IQGAP1: variants seen among roughly 807,000 people sequenced by gnomAD.
IQGAP1 encodes the protein ras GTPase-activating-like protein IQGAP1.
In IQGAP1, 66 loss-of-function variants were observed where a neutral mutation model predicts 215.6. The observed-to-expected ratio is 0.31, with a 90% CI of 0.25 to 0.38. The LOEUF (loss-of-function observed/expected upper bound fraction) is 0.38, where lower values mean the gene tolerates loss of function less well. Among genes scored for constraint, IQGAP1 ranks in the 10% least tolerant of loss-of-function variants. The probability of loss-of-function intolerance (pLI) is 1.00; values close to 1 mark genes in which losing one functional copy is unlikely to be tolerated. For synonymous variants in IQGAP1, 772 were observed against 728.7 expected, an observed-to-expected ratio of 1.06 and a Z score of -0.96; for missense variants, 1,712 against 1,997.1, an observed-to-expected ratio of 0.86 and a Z score of 2.72.
intron 23 of IQGAP1, 38 bp downstream of exon 23, chr15:90,474,731 A>C: frequency 1.3e-6 from 2 of 1,486,988 alleles, no homozygotes; most frequent in Non-Finnish European, 1.9e-6. Context: ...GGAACGGTTC[A>C]TCCTGCTTTG....
At chr15:90,465,267 A>G (rs114608467) in intron 15 of IQGAP1, among the ~76,000 whole-genome samples, 10 of 152,344 alleles carry the variant, frequency 6.6e-5, no homozygotes, top group African/African-American at 2.4e-4. Context: ...TCTTAAAAAC[A>G]TTAGTAGTCA....
intron 9 of IQGAP1, among the ~76,000 whole-genome samples, chr15:90,447,724 TG>T (rs1235956423): frequency 2.0e-5 from 3 of 152,194 alleles, no homozygotes; most frequent in Non-Finnish European, 4.4e-5. Flanking sequence ...TGTTTTGTTT[TG>T]TTTTTTTTAC....
intron 33 of IQGAP1, among the ~76,000 whole-genome samples, chr15:90,490,217 G>A (rs749876554): frequency 1.3e-5 from 2 of 152,228 alleles, no homozygotes; most frequent in Non-Finnish European, 2.9e-5. Context: ...CAACACAGAG[G>A]CAGTCAATGA....
At chr15:90,490,065 A>C (rs938498619) in intron 33 of IQGAP1, among the ~76,000 whole-genome samples, 24 of 152,194 alleles carry the variant, frequency 1.6e-4, no homozygotes, top group Non-Finnish European at 2.9e-5. Flanking sequence ...CATTAGAAAA[A>C]AGGGGACTAT....
At position 90,500,211 on chromosome 15, in the gene IQGAP1, C is replaced by A; in HGVS notation, c.*103C>A. Reference sequence around the variant, plus strand: ...TTGGAAGCAAAGACCTAGCCAACAACAGCACCTCAATCTGATACACTCCCG... The same window carrying A: ...TTGGAAGCAAAGACCTAGCCAACAAAAGCACCTCAATCTGATACACTCCCG... On this transcript the variant is annotated 3_prime_UTR_variant, in exon 38 of 38. Transcript: ENST00000268182. 1 of 674,988 alleles carries A rather than the reference C, an allele frequency of 1.5e-6. No individual in the cohort carries two copies. The highest frequency in any genetic ancestry group is 1.7e-5 in the South Asian group (1 of 60,074). 41.8% of individuals were successfully genotyped at this position (674,988 alleles called of 1,614,324 possible).
intron 11 of IQGAP1, among the ~76,000 whole-genome samples, chr15:90,449,987 T>G (rs1965578756): frequency 2.0e-5 from 3 of 152,224 alleles, no homozygotes; most frequent in African/African-American, 4.8e-5. Context: ...CCTAACGCAT[T>G]TATCTTTTGT....
chr15:90,417,389 G>A (rs1249615959), intron 2 of IQGAP1, among the ~76,000 whole-genome samples: 1 of 152,078 alleles, frequency 6.6e-6, no homozygotes, highest in African/African-American at 2.4e-5. Flanking sequence ...TTTGTATAAC[G>A]TGTAAGGAAG....
At position 90,466,384 on chromosome 15, in the gene IQGAP1, T is replaced by C; in HGVS notation, c.1983T>C (p.Gly661=). 3.1e-6 allele frequency: 5 copies of C among 1,614,162 alleles called. No homozygotes were observed. Among genetic ancestry groups the C allele is most frequent in the Non-Finnish European group, 4.2e-6 (5 of 1,180,028 alleles). ...TGTATGGAGTCATCCCTGAGTGTGGTGAAACTTACCACAGTGATCTTGCTG... is the reference window on the plus strand; with the variant it reads ...TGTATGGAGTCATCCCTGAGTGTGGCGAAACTTACCACAGTGATCTTGCTG... ...VGLYGVIPEC[G]ETYHSDLAEA... Residue 661 remains glycine, a synonymous_variant, in exon 17 of 38, where the codon GGT becomes GGC. Transcript: ENST00000268182.
chr15:90,440,129 G>A (rs551085891), intron 6 of IQGAP1, among the ~76,000 whole-genome samples: 1 of 152,208 alleles, frequency 6.6e-6, no homozygotes, highest in African/African-American at 2.4e-5. Context: ...TTGAATAGCA[G>A]CTAATGATTG....
chr15:90,460,624 C>T (rs893710938), intron 15 of IQGAP1, among the ~76,000 whole-genome samples: 2 of 152,108 alleles, frequency 1.3e-5, no homozygotes, highest in Non-Finnish European at 2.9e-5. Flanking sequence ...CACCACAGAA[C>T]TCACTGTTCT....
chr15:90,424,610 G>A (rs1965194329), intron 2 of IQGAP1, among the ~76,000 whole-genome samples: 1 of 152,300 alleles, frequency 6.6e-6, no homozygotes, highest in East Asian at 1.9e-4. Flanking sequence ...GCCGAGGTGG[G>A]TGGATCACCT....
At chr15:90,484,475 T>C in intron 30 of IQGAP1, 123 bp downstream of exon 30, 1 of 677,480 alleles carries the variant, frequency 1.5e-6, no homozygotes, top group Non-Finnish European at 2.5e-6. Flanking sequence ...TGCATCTCCT[T>C]GATGTCTCTT....
chr15:90,430,775 A>T (rs187166390), intron 4 of IQGAP1, among the ~76,000 whole-genome samples: 108 of 152,026 alleles, frequency 7.1e-4, no homozygotes, highest in African/African-American at 2.6e-3. Context: ...AGGAAAATTT[A>T]TTTTAAAAAA....
At chr15:90,388,724 G>A (rs1596241890) in intron 1 of IQGAP1, among the ~76,000 whole-genome samples, 1 of 152,190 alleles carries the variant, frequency 6.6e-6, no homozygotes, top group East Asian at 1.9e-4. Context: ...GGATGACCGC[G>A]CAGGGCGTGT....
At chr15:90,488,645 A>C (rs1250267205) in intron 33 of IQGAP1, among the ~76,000 whole-genome samples, 1 of 152,182 alleles carries the variant, frequency 6.6e-6, no homozygotes, top group Non-Finnish European at 1.5e-5. Flanking sequence ...GAAAAATAAG[A>C]GAAGTTTCAG....
intron 33 of IQGAP1, among the ~76,000 whole-genome samples, chr15:90,489,913 T>A (rs896573232): frequency 6.6e-6 from 1 of 152,198 alleles, no homozygotes; most frequent in African/African-American, 2.4e-5. Flanking sequence ...TTCATCCTTA[T>A]TTTGCAGATG....
chr15:90,499,846 A>C (rs1308576212), intron 37 of IQGAP1, 149 bp from the exon 38 acceptor site: 7 of 573,704 alleles, frequency 1.2e-5, no homozygotes, highest in Non-Finnish European at 1.6e-5. Context: ...CTAGCGTGGA[A>C]CTTTTCTTTC....
chr15:90,472,946 G>A lies in IQGAP1; in HGVS notation c.2285G>A (p.Arg762Gln), dbSNP rs779831069. ...LQARCRGYLVRQEFRSRMNFL... is the reference protein window; with the variant it reads ...LQARCRGYLVQQEFRSRMNFL... ...GCTCGCTGCCGTGGATACTTAGTTC[G>A]ACAGGAATTCCGATCCAGGATGAAT... Residue 762 changes from arginine to glutamine, a missense_variant, in exon 19 of 38, where the codon CGA (arginine) becomes CAA (glutamine). Coordinates refer to ENST00000268182, the MANE Select transcript of IQGAP1 (RefSeq NM_003870.4). 1.2e-5 allele frequency: 19 copies of A among 1,613,840 alleles called. No homozygotes were observed. The highest frequency in any genetic ancestry group is 4.0e-5 in the African/African-American group (3 of 74,882).
chr15:90,421,097 A>G (rs1349738164), intron 2 of IQGAP1, among the ~76,000 whole-genome samples: 1 of 152,252 alleles, frequency 6.6e-6, no homozygotes. Context: ...AGATCGTGCC[A>G]TTGCACTCTA....
Sources: gnomAD v4.1 joint callset for allele counts (sites outside exome capture counted in the v4.1 genomes callset) on GRCh38, gnomAD v4.1.1 for gene constraint, MANE v1.5 for transcripts, NCBI Gene and HGNC (gene_info 2026-07-23, HGNC 2026-07-21) for gene names.